CERS6: variants seen among roughly 807,000 people sequenced by gnomAD.
CERS6 encodes the protein LAG1 homolog, ceramide synthase 6.
In CERS6, 26 loss-of-function variants were observed where a neutral mutation model predicts 56.8. That is an observed-to-expected ratio of 0.46 (90% CI 0.34 to 0.63). The LOEUF (loss-of-function observed/expected upper bound fraction) is 0.63, where lower values mean the gene tolerates loss of function less well. CERS6 is among the 30% of genes least tolerant of loss of function. The pLI is 0.01. For synonymous variants in CERS6, 164 were observed against 173.3 expected (o/e 0.95, Z 0.42); for missense variants, 415 against 467.5 (o/e 0.89, Z 1.04).
intron 8 of CERS6, among the ~76,000 whole-genome samples, chr2:168,730,699 A>G (rs1056451053): frequency 1.3e-5 from 2 of 152,076 alleles, no homozygotes; most frequent in Non-Finnish European, 1.5e-5. Flanking sequence ...TACCCAATGT[A>G]ACTATCTTAA....
At chr2:168,494,688 G>T (rs900924685) in intron 1 of CERS6, among the ~76,000 whole-genome samples, 1 of 152,166 alleles carries the variant, frequency 6.6e-6, no homozygotes, top group African/African-American at 2.4e-5. Context: ...TCATAGAGTT[G>T]ATTGAGGGGA....
At chr2:168,661,926 A>C (rs1015956120) in intron 4 of CERS6, among the ~76,000 whole-genome samples, 7 of 152,230 alleles carry the variant, frequency 4.6e-5, no homozygotes, top group Non-Finnish European at 1.0e-4. Context: ...TCAAAGGATA[A>C]TTTTTAGACA....
At chr2:168,469,126 A>G (rs754457695) in intron 1 of CERS6, among the ~76,000 whole-genome samples, 1 of 152,226 alleles carries the variant, frequency 6.6e-6, no homozygotes, top group Non-Finnish European at 1.5e-5. Flanking sequence ...TGAAAATAAT[A>G]TATGTATGTA....
intron 1 of CERS6, among the ~76,000 whole-genome samples, chr2:168,541,696 A>T (rs535159344): frequency 3.3e-4 from 51 of 152,308 alleles, no homozygotes; most frequent in Non-Finnish European, 2.9e-5. Flanking sequence ...TTAGACTCAA[A>T]TTGTAGCCTG....
chr2:168,542,850 C>T (rs894246918), intron 1 of CERS6, among the ~76,000 whole-genome samples: 3 of 152,158 alleles, frequency 2.0e-5, no homozygotes, highest in African/African-American at 7.2e-5. Flanking sequence ...GCGTGCACCA[C>T]CACACCTGGC....
At chr2:168,745,450 C>T (rs191505962) in intron 8 of CERS6, among the ~76,000 whole-genome samples, 9 of 152,192 alleles carry the variant, frequency 5.9e-5, no homozygotes, top group African/African-American at 2.2e-4. Flanking sequence ...ACCGTGTTAG[C>T]CAGGATGGTC....
At position 168,456,382 on chromosome 2, in the gene CERS6, G is replaced by C. The variant is rs569625642; in HGVS notation, c.-67G>C. The C allele has an allele frequency of 7.6e-7, 1 of 1,323,876 alleles. No individual in the cohort carries two copies. The highest frequency in any genetic ancestry group is 1.8e-5 in the South Asian group (1 of 56,520). 82.0% of individuals were successfully genotyped at this position (1,323,876 alleles called of 1,614,324 possible). A position where few individuals can be genotyped will look rare whatever the true frequency, so the allele number is the denominator to read the frequency against. ...CGGGGCCAGCCGGGCGCGCATCCCC[G>C]GGCGCCCTGCGCGGTGGAGAGCTTG... is the stretch of plus-strand genomic sequence containing the variant. On this transcript the variant is annotated 5_prime_UTR_variant, in exon 1 of 10. Transcript: ENST00000305747. The surrounding 1 kb of genome is among the most constrained non-coding windows in gnomAD (Gnocchi z 4.1).
At chr2:168,567,508 A>G (rs1695904485) in intron 3 of CERS6, among the ~76,000 whole-genome samples, 1 of 152,244 alleles carries the variant, frequency 6.6e-6, no homozygotes, top group Non-Finnish European at 1.5e-5. Flanking sequence ...CTGAAATTTG[A>G]ATATGTCATT....
At chr2:168,707,887 A>G (rs912889180) in intron 6 of CERS6, among the ~76,000 whole-genome samples, 5 of 152,084 alleles carry the variant, frequency 3.3e-5, no homozygotes, top group African/African-American at 9.7e-5. Flanking sequence ...TTGTACTGCT[A>G]TTTATTCTAG....
At chr2:168,543,674 T>C (rs1287111428) in intron 1 of CERS6, among the ~76,000 whole-genome samples, 1 of 152,234 alleles carries the variant, frequency 6.6e-6, no homozygotes, top group Non-Finnish European at 1.5e-5. Flanking sequence ...TGCTCTTGTT[T>C]TTTCTTCTTT....
At chr2:168,663,506 C>T (rs928097639) in intron 4 of CERS6, among the ~76,000 whole-genome samples, 1 of 152,106 alleles carries the variant, frequency 6.6e-6, no homozygotes, top group Non-Finnish European at 1.5e-5. Context: ...CCTCAGCCTC[C>T]CAGAGTGCTG....
chr2:168,545,957 A>G (rs1174413477), intron 1 of CERS6, among the ~76,000 whole-genome samples: 2 of 152,186 alleles, frequency 1.3e-5, no homozygotes, highest in Non-Finnish European at 2.9e-5. Context: ...AACCATTGGA[A>G]CAGTTGTGTC....
chr2:168,715,874 A>G (rs1030629516), intron 7 of CERS6, among the ~76,000 whole-genome samples: 8 of 152,142 alleles, frequency 5.3e-5, no homozygotes, highest in Admixed American at 5.2e-4. Flanking sequence ...TTACCTTATA[A>G]GAGTACAAAG....
At chr2:168,702,405 A>G (rs1574173743) in intron 6 of CERS6, among the ~76,000 whole-genome samples, 1 of 152,330 alleles carries the variant, frequency 6.6e-6, no homozygotes, top group East Asian at 1.9e-4. Flanking sequence ...GCACAAAATT[A>G]GCTTGTCACG....
At chr2:168,506,577 G>A (rs1406100182) in intron 1 of CERS6, among the ~76,000 whole-genome samples, 1 of 152,132 alleles carries the variant, frequency 6.6e-6, no homozygotes, top group Non-Finnish European at 1.5e-5. Context: ...TTTGTCTTGG[G>A]GTTTGGGAAG....
intron 4 of CERS6, among the ~76,000 whole-genome samples, chr2:168,633,496 CTCTT>C (rs1684795992): frequency 6.6e-6 from 1 of 152,112 alleles, no homozygotes. Flanking sequence ...ACACATGCTC[CTCTT>C]TCTTATTCCA....
At chr2:168,667,571 G>T (rs1157703823) in intron 4 of CERS6, among the ~76,000 whole-genome samples, 1 of 152,008 alleles carries the variant, frequency 6.6e-6, no homozygotes, top group Non-Finnish European at 1.5e-5. Flanking sequence ...CTATTAGGCG[G>T]CTTTTTTTCT....
At chr2:168,565,016 A>G (rs1438523831) in intron 3 of CERS6, among the ~76,000 whole-genome samples, 1 of 152,224 alleles carries the variant, frequency 6.6e-6, no homozygotes. Flanking sequence ...CTTTGCCCCT[A>G]TAAATGAGTG....
intron 3 of CERS6, among the ~76,000 whole-genome samples, chr2:168,595,235 A>G (rs1320721223): frequency 6.6e-6 from 1 of 152,224 alleles, no homozygotes; most frequent in Admixed American, 6.5e-5. Flanking sequence ...GACAAGGAGC[A>G]CATGTATCCT....
Sources: gnomAD v4.1 joint callset for allele counts (sites outside exome capture counted in the v4.1 genomes callset) on GRCh38, gnomAD v4.1.1 for gene constraint, Gnocchi (gnomAD v3.1) non-coding constraint, MANE v1.5 for transcripts, NCBI Gene and HGNC (gene_info 2026-07-23, HGNC 2026-07-21) for gene names.